SS18L2: variants seen among roughly 807,000 people sequenced by gnomAD.
SS18L2 encodes SS18 like 2, also known as SS18-like protein 2.
In SS18L2, 8 loss-of-function variants were observed where a neutral mutation model predicts 10.3. The ratio of observed to expected loss-of-function variants is 0.78; its 90% CI spans 0.46 to 1.41. The LOEUF is 1.41. SS18L2 is among the 40% of genes most tolerant of loss of function. The probability of loss-of-function intolerance (pLI) is 0.00; values close to 1 mark genes in which losing one functional copy is unlikely to be tolerated. For synonymous variants in SS18L2, 41 were observed against 34.6 expected, an observed-to-expected ratio of 1.19 and a Z score of -0.65; for missense variants, 100 against 96.2, an observed-to-expected ratio of 1.04 and a Z score of -0.17.
rs1472088311 is a variant in SS18L2 at position 42,595,799 on chromosome 3, AGAGAT to A, written c.*1291_*1295del. On this transcript the variant is annotated 3_prime_UTR_variant, in exon 3 of 3. Transcript: ENST00000011691. ...ACTGTAAAATACATGTAAATAGTGA[AGAGAT>A]AACTCATTTTGAATCCCAGCTCTAT... 6.6e-6 allele frequency among the ~76,000 whole-genome samples: 1 copy of A among 152,182 alleles called. No individual in the cohort carries two copies. The highest frequency in any genetic ancestry group is 1.5e-5 in the Non-Finnish European group (1 of 68,032).
chr3:42,589,031 G>A (rs1015965374), upstream of SS18L2, among the ~76,000 whole-genome samples: 2 of 151,992 alleles, frequency 1.3e-5, no homozygotes, highest in African/African-American at 2.4e-5. Context: ...TTTGGAGGCC[G>A]AAGCGGGCGG....
rs138953660 is a variant in SS18L2, at chr3:42,591,830, C to T, written c.146+229C>T. On this transcript the variant is annotated intron_variant, in intron 2 of 2. Transcript: ENST00000011691. ...CTTTCTTCAAAATGTGAATTATTCT[C>T]ACTGCAAAGCCTCCTTCACTCAAAG... Among the ~76,000 whole-genome samples, 830 of 152,316 alleles carry T rather than the reference C, an allele frequency of 5.4e-3. 8 individuals carry two copies. The highest frequency in any genetic ancestry group is 0.037 in the Middle Eastern group (11 of 294).
chr3:42,591,503 C>G, intron 1 of SS18L2, 22 bp from the exon 2 acceptor site: 1 of 1,603,036 alleles, frequency 6.2e-7, no homozygotes, highest in Non-Finnish European at 8.5e-7. Flanking sequence ...TGCACTGACC[C>G]TTTCTTTCTC....
In SS18L2 at chr3:42,596,352, G is replaced by A. The variant is rs1380242429; in HGVS notation, c.*1843G>A. On this transcript the variant is annotated 3_prime_UTR_variant, in exon 3 of 3. Coordinates refer to ENST00000011691, the MANE Select transcript of SS18L2 (RefSeq NM_001370300.1). ...TTTCTGTTTTCTAGAAAATTATTTT[G>A]TCTGTTTCCCCACTAGCATTCCTGA... is the stretch of plus-strand genomic sequence containing the variant. Among the ~76,000 whole-genome samples the A allele has an allele frequency of 1.3e-5, 2 of 152,104 alleles. No homozygotes were observed. Among genetic ancestry groups the A allele is most frequent in the African/African-American group, 4.8e-5 (2 of 41,422 alleles).
At chr3:42,587,555 C>T (rs1006304929), upstream of SS18L2, 12 of 151,710 alleles carry the variant, frequency 7.9e-5, no homozygotes, top group South Asian at 6.3e-4. Flanking sequence ...AGTGGAACCC[C>T]GTCTCTACTG....
upstream of SS18L2, among the ~76,000 whole-genome samples, chr3:42,586,629 T>C (rs1344091668): frequency 2.0e-5 from 3 of 151,026 alleles, no homozygotes; most frequent in Non-Finnish European, 4.4e-5. Flanking sequence ...CTGGTTTTCC[T>C]CTTCCTATAT....
chr3:42,595,758 G>T lies in SS18L2; in HGVS notation c.*1249G>T, dbSNP rs536094672. Among the ~76,000 whole-genome samples the T allele has an allele frequency of 2.1e-4, 32 of 152,176 alleles. No individual in the cohort carries two copies. The highest frequency in any genetic ancestry group is 4.7e-4 in the Non-Finnish European group (32 of 68,024). On this transcript the variant is annotated 3_prime_UTR_variant, in exon 3 of 3. Coordinates refer to ENST00000011691, the MANE Select transcript of SS18L2 (RefSeq NM_001370300.1). ...CCTGCTCCTTTTTTTGGAGTCAAGG[G>T]TTGCAACCTAGGGCAACTGTAAAAT...
At chr3:42,591,127 C>G in intron 1 of SS18L2, 161 bp downstream of exon 1, 1 of 744,246 alleles carries the variant, frequency 1.3e-6, no homozygotes, top group Non-Finnish European at 2.3e-6. Flanking sequence ...TCAGCACAGG[C>G]GCCGGGGCAG....
chr3:42,588,273 T>A (rs1704690894), upstream of SS18L2, among the ~76,000 whole-genome samples: 1 of 151,352 alleles, frequency 6.6e-6, no homozygotes, highest in Non-Finnish European at 1.5e-5. Flanking sequence ...GCATGGTGGC[T>A]TATGCCTGTA....
chr3:42,590,743 A>G, upstream of SS18L2: 1 of 804,006 alleles, frequency 1.2e-6, no homozygotes, highest in Non-Finnish European at 2.1e-6. Context: ...GGACCGAGGA[A>G]AGCGCTGAGT....
rs1705047601 is a variant in SS18L2, at chr3:42,596,906, A to G, written c.*2397A>G. 6.6e-6 allele frequency among the ~76,000 whole-genome samples: 1 copy of G among 152,232 alleles called. No homozygotes were observed. The highest frequency in any genetic ancestry group is 1.5e-5 in the Non-Finnish European group (1 of 68,040). ...TTAAAGTTGTTTAAGTATATCCCAA[A>G]TTAAATATTTCATTCCTGAGCTCTA... On this transcript the variant is annotated 3_prime_UTR_variant, in exon 3 of 3. Transcript: ENST00000011691.
rs773890551 is a variant in SS18L2 at position 42,594,549 on chromosome 3, G to A, written c.*40G>A. 1.8e-5 allele frequency: 28 copies of A among 1,543,416 alleles called. No individual in the cohort carries two copies. Among genetic ancestry groups the A allele is most frequent in the Middle Eastern group, 1.9e-4 (1 of 5,264 alleles). On this transcript the variant is annotated 3_prime_UTR_variant, in exon 3 of 3. Coordinates refer to ENST00000011691, the MANE Select transcript of SS18L2 (RefSeq NM_001370300.1). ...TAGAATAATCTTCCATTTGGCTGTCGTGAGGAGTAATTGAATGTAATCCAT... is the reference window on the plus strand; with the variant it reads ...TAGAATAATCTTCCATTTGGCTGTCATGAGGAGTAATTGAATGTAATCCAT...
chr3:42,595,757 G>A lies in SS18L2; in HGVS notation c.*1248G>A, dbSNP rs533992231. ...CCCTGCTCCTTTTTTTGGAGTCAAG[G>A]GTTGCAACCTAGGGCAACTGTAAAA... On this transcript the variant is annotated 3_prime_UTR_variant, in exon 3 of 3. Coordinates refer to ENST00000011691, the MANE Select transcript of SS18L2 (RefSeq NM_001370300.1). Among the ~76,000 whole-genome samples the A allele has an allele frequency of 1.3e-5, 2 of 152,182 alleles. No homozygotes were observed. Among genetic ancestry groups the A allele is most frequent in the East Asian group, 3.9e-4 (2 of 5,182 alleles).
At chr3:42,591,366 T>C in intron 1 of SS18L2, 159 bp from the exon 2 acceptor site, 1 of 611,802 alleles carries the variant, frequency 1.6e-6, no homozygotes, top group South Asian at 1.9e-5. Flanking sequence ...TCCCGGCTAA[T>C]TTTTGTATTT....
At chr3:42,586,299 T>G (rs927957695), upstream of SS18L2, among the ~76,000 whole-genome samples, 1 of 152,208 alleles carries the variant, frequency 6.6e-6, no homozygotes, top group Non-Finnish European at 1.5e-5. Flanking sequence ...TGAGGCTTAC[T>G]GCAACCTCTG....
chr3:42,582,148 G>A (rs1416237459), intron 1 of SS18L2: 2 of 152,228 alleles, frequency 1.3e-5, no homozygotes, highest in Non-Finnish European at 2.9e-5. Context: ...GGAGTGTGAC[G>A]GGGGCGCGCG....
At chr3:42,591,719 C>G (rs1704854370) in intron 2 of SS18L2, 118 bp downstream of exon 2, 2 of 755,090 alleles carry the variant, frequency 2.6e-6, no homozygotes. Context: ...CCTCTTTGAA[C>G]TGAGGAAAGA....
chr3:42,590,270 C>A (rs944379815), upstream of SS18L2, among the ~76,000 whole-genome samples: 6 of 152,126 alleles, frequency 3.9e-5, no homozygotes, highest in Non-Finnish European at 8.8e-5. Flanking sequence ...GACCTGGAGG[C>A]ACAGAGTGAT....
At chr3:42,591,369 T>C (rs1028624855) in intron 1 of SS18L2, 156 bp from the exon 2 acceptor site, 2 of 615,582 alleles carry the variant, frequency 3.2e-6, no homozygotes, top group African/African-American at 3.7e-5. Flanking sequence ...CGGCTAATTT[T>C]TGTATTTTTA....
Sources: gnomAD v4.1 joint callset for allele counts (sites outside exome capture counted in the v4.1 genomes callset) on GRCh38, gnomAD v4.1.1 for gene constraint, MANE v1.5 for transcripts, NCBI Gene and HGNC (gene_info 2026-07-23, HGNC 2026-07-21) for gene names.